The following MOV10L1 variants were observed in gnomAD, a reference collection of about 807,000 sequenced individuals.
MOV10L1 encodes the protein RNA helicase Mov10l1.
In MOV10L1, 110 loss-of-function variants were observed where a neutral mutation model predicts 143.8. The observed-to-expected ratio is 0.76, with a 90% CI of 0.66 to 0.90. The LOEUF is 0.90. Ranked by LOEUF, MOV10L1 falls within the 40% of genes least tolerant of loss-of-function variation. MOV10L1 has a pLI of 0.00. For synonymous variants in MOV10L1, 593 were observed against 581.1 expected, an observed-to-expected ratio of 1.02 and a Z score of -0.29; for missense variants, 1,406 against 1,526.8, an observed-to-expected ratio of 0.92 and a Z score of 1.32.
chr22:50,148,765 G>T (rs533272806), intron 19 of MOV10L1, among the ~76,000 whole-genome samples: 1 of 151,222 alleles, frequency 6.6e-6, no homozygotes, highest in South Asian at 2.1e-4. Flanking sequence ...CCAGGTTCAC[G>T]CCATTCTCCT....
Position 50,134,606 on chromosome 22 carries a change from C to T in MOV10L1, c.2046C>T (p.Ser682=). Residue 682 remains serine (S), a synonymous_variant, in exon 15 of 27, where the codon AGC becomes AGT. Transcript: ENST00000262794. ...GGAACCATGCACAAGACACCAAAAG[C>T]AGTGGACAGTCCACCAGCAAAAAGG... ...GNWNHAQDTK[S]SGQSTSKKNR... 6.2e-7 allele frequency: 1 copy of T among 1,614,152 alleles called. No individual in the cohort carries two copies. The highest frequency in any genetic ancestry group is 8.5e-7 in the Non-Finnish European group (1 of 1,180,016).
Position 50,115,916 on chromosome 22 carries a change from G to A in MOV10L1, c.1259+670G>A, listed in dbSNP as rs143223565. The stretch of plus-strand genomic sequence containing the variant: ...GTGTGCTGAGGGAGGGGCAGGAAGG[G>A]CCCCTTCCTAGCTGGGATGCCAGAC... On this transcript the variant is annotated intron_variant, in intron 8 of 26. Coordinates refer to ENST00000262794, the MANE Select transcript of MOV10L1 (RefSeq NM_018995.3). 4.2e-3 allele frequency among the ~76,000 whole-genome samples: 638 copies of A among 152,316 alleles called. 7 individuals are homozygous for A. Among genetic ancestry groups the A allele is most frequent in the African/African-American group, 0.014 (594 of 41,572 alleles).
At chr22:50,131,884 G>A (rs2062688043) in intron 13 of MOV10L1, among the ~76,000 whole-genome samples, 1 of 152,180 alleles carries the variant, frequency 6.6e-6, no homozygotes, top group Admixed American at 6.5e-5. Context: ...CACCATAGAT[G>A]GGGTGGCTTA....
At chr22:50,106,714 T>C (rs1335228550) in intron 3 of MOV10L1, among the ~76,000 whole-genome samples, 1 of 149,376 alleles carries the variant, frequency 6.7e-6, no homozygotes, top group South Asian at 2.1e-4. Flanking sequence ...TTTTTTTTTT[T>C]TTTTTGAGAC....
intron 15 of MOV10L1, among the ~76,000 whole-genome samples, chr22:50,134,981 C>T (rs375287405): frequency 4.6e-5 from 7 of 151,932 alleles, no homozygotes; most frequent in African/African-American, 1.7e-4. Flanking sequence ...TTTATATGAC[C>T]TTAGAGTTGG....
chr22:50,101,829 C>A (rs959064955), intron 3 of MOV10L1, among the ~76,000 whole-genome samples: 1 of 152,044 alleles, frequency 6.6e-6, no homozygotes, highest in Non-Finnish European at 1.5e-5. Flanking sequence ...TGGTTGTTAA[C>A]CCTGGGATCC....
intron 10 of MOV10L1, among the ~76,000 whole-genome samples, chr22:50,122,058 T>G (rs762163348): frequency 6.6e-6 from 1 of 152,116 alleles, no homozygotes; most frequent in Non-Finnish European, 1.5e-5. Flanking sequence ...CCAAAGTGCT[T>G]GGGATTACAG....
At chr22:50,149,507 AC>A in intron 19 of MOV10L1, 107 bp from the exon 20 acceptor site, 1 of 1,084,970 alleles carries the variant, frequency 9.2e-7, no homozygotes, top group Non-Finnish European at 1.3e-6. Flanking sequence ...CCCCTGGGCA[AC>A]CCTGCTGTGC....
At position 50,115,275 on chromosome 22, in the gene MOV10L1, G is replaced by A. The variant is rs368027741; in HGVS notation, c.1259+29G>A. On this transcript the variant is annotated intron_variant, in intron 8 of 26. Coordinates refer to ENST00000262794, the MANE Select transcript of MOV10L1 (RefSeq NM_018995.3). ...AGGGCCTGGAGGTCTGGGGAGAGCC[G>A]CGTTTTTAAGTTTCTCTGATACTTC... 3.3e-4 allele frequency: 481 copies of A among 1,463,308 alleles called. 1 individual carries two copies. Among genetic ancestry groups the A allele is most frequent in the South Asian group, 4.0e-4 (26 of 65,778 alleles). The allele number at this position is 1,463,308 out of a possible 1,614,324, so 90.6% of individuals were successfully genotyped here.
chr22:50,093,507 G>A (rs982324112), intron 2 of MOV10L1: 1 of 140,830 alleles, frequency 7.1e-6, no homozygotes, highest in Non-Finnish European at 1.6e-5. Flanking sequence ...TTGACAATTA[G>A]AATTTTTTTT....
Position 50,158,263 on chromosome 22 carries a change from G to GC in MOV10L1, c.3216+58dup. 2 of 1,598,098 alleles carry GC rather than the reference G, an allele frequency of 1.3e-6. No homozygotes were observed. Among genetic ancestry groups the GC allele is most frequent in the South Asian group, 2.2e-5 (2 of 89,936 alleles). ...GAGGTCCCTGCAGCCCTGCTCCTTG[G>GC]CTCCTGCAGCTCCACAGAGGCAGGA... On this transcript the variant is annotated intron_variant, in intron 23 of 26. Transcript: ENST00000262794. The surrounding 1 kb of genome is among the most constrained non-coding windows in gnomAD (Gnocchi z 5.0).
In MOV10L1 at chr22:50,137,770, T is replaced by A. The variant is rs572800365; in HGVS notation, c.2070+3140T>A. On this transcript the variant is annotated intron_variant, in intron 15 of 26. Coordinates refer to ENST00000262794, the MANE Select transcript of MOV10L1 (RefSeq NM_018995.3). ...ATATACATATATAAATATACATATT[T>A]TATATATATACATATATAAATATAC... Among the ~76,000 whole-genome samples the A allele has an allele frequency of 1.8e-4, 25 of 141,692 alleles. No individual in the cohort carries two copies. In the East Asian group the frequency reaches 2.9e-3, roughly 16 times the overall value. The allele number at this position is 141,692 out of a possible 152,430, so 93.0% of individuals were successfully genotyped here. A position where few individuals can be genotyped will look rare whatever the true frequency, so the allele number is the denominator to read the frequency against.
At chr22:50,127,130 A>C (rs2062529989) in intron 12 of MOV10L1, among the ~76,000 whole-genome samples, 1 of 152,162 alleles carries the variant, frequency 6.6e-6, no homozygotes, top group African/African-American at 2.4e-5. Context: ...GACCAAGTTG[A>C]CATGAGGAGC....
chr22:50,111,365 T>A (rs2062016696), intron 5 of MOV10L1, among the ~76,000 whole-genome samples: 1 of 152,018 alleles, frequency 6.6e-6, no homozygotes, highest in Non-Finnish European at 1.5e-5. Context: ...AACATGGAGA[T>A]GTTTAACCTT....
Position 50,142,155 on chromosome 22 carries a change from GCTGGCACCCTTTA to G in MOV10L1, c.2149_2161del (p.Ala717GlnfsTer3). 6.2e-7 allele frequency: 1 copy of G among 1,613,478 alleles called. No homozygotes were observed. The highest frequency in any genetic ancestry group is 1.7e-4 in the Middle Eastern group (1 of 6,060). On this transcript the variant is annotated frameshift_variant, in exon 16 of 27. Coordinates refer to ENST00000262794, the MANE Select transcript of MOV10L1 (RefSeq NM_018995.3). LOFTEE classifies it high-confidence loss of function. ...GTGTTGGTGACAAGGACCTGCCGGT[GCTGGCACCCTTTA>G]CTGCAGAGATGAGCGATTGGGGTAT...
At chr22:50,135,898 CAAG>C in intron 15 of MOV10L1, among the ~76,000 whole-genome samples, 1 of 151,960 alleles carries the variant, frequency 6.6e-6, no homozygotes, top group Non-Finnish European at 1.5e-5. Flanking sequence ...TTTCTAGTAA[CAAG>C]AAAATCATCT....
chr22:50,154,609 G>T (rs2063380257), intron 22 of MOV10L1, among the ~76,000 whole-genome samples: 1 of 152,096 alleles, frequency 6.6e-6, no homozygotes, highest in Non-Finnish European at 1.5e-5. Context: ...CATGGAGGCT[G>T]TCACTCAGCA....
At chr22:50,155,853 A>G (rs1292789867) in intron 22 of MOV10L1, among the ~76,000 whole-genome samples, 1 of 152,152 alleles carries the variant, frequency 6.6e-6, no homozygotes, top group African/African-American at 2.4e-5. Context: ...GAGTTCAAGA[A>G]CGGCCAGGAC....
In MOV10L1 at chr22:50,149,764, G is replaced by C. The variant is rs761861264; in HGVS notation, c.2727+50G>C. ...TGCTTCCTCCTCACCCCGTTCTCCT[G>C]AGGGGATGCAGGCTGCGATCCTGCC... On this transcript the variant is annotated intron_variant, in intron 20 of 26. Coordinates refer to ENST00000262794, the MANE Select transcript of MOV10L1 (RefSeq NM_018995.3). 51 of 1,523,900 alleles carry C rather than the reference G, an allele frequency of 3.3e-5. 2 individuals are homozygous for C. The South Asian group carries it at 5.8e-4, about 17-fold the overall frequency. The allele number at this position is 1,523,900 out of a possible 1,614,324, so 94.4% of individuals were successfully genotyped here. A position where few individuals can be genotyped will look rare whatever the true frequency, so the allele number is the denominator to read the frequency against.
Sources: gnomAD v4.1 joint callset for allele counts (sites outside exome capture counted in the v4.1 genomes callset) on GRCh38, gnomAD v4.1.1 for gene constraint, Gnocchi (gnomAD v3.1) non-coding constraint, MANE v1.5 for transcripts, NCBI Gene and HGNC (gene_info 2026-07-23, HGNC 2026-07-21) for gene names.